Variants in ZNF461 observed in about 807,000 individuals in gnomAD.
ZNF461 encodes the protein gonadotropin-inducible ovarian transcription factor-1.
ZNF461 carries 16 observed loss-of-function variants against 18.3 expected under a neutral mutation model. The ratio of observed to expected loss-of-function variants is 0.88; its 90% CI spans 0.59 to 1.33. The LOEUF is 1.33. Ranked by LOEUF, ZNF461 falls within the 40% of genes most tolerant of loss-of-function variation. ZNF461 has a pLI of 0.00. For missense variants in ZNF461, 595 were observed against 669.9 expected, an observed-to-expected ratio of 0.89 and a Z score of 1.23; for synonymous variants, 179 against 216.9, an observed-to-expected ratio of 0.83 and a Z score of 1.54.
intron 2 of ZNF461, among the ~76,000 whole-genome samples, chr19:36,663,680 C>G (rs2037855806): frequency 6.6e-6 from 1 of 151,874 alleles, no homozygotes; most frequent in Non-Finnish European, 1.5e-5. Flanking sequence ...TGCACACAAC[C>G]ACAAGCAGCT....
intron 4 of ZNF461, among the ~76,000 whole-genome samples, chr19:36,654,947 A>T (rs1447250129): frequency 6.6e-6 from 1 of 152,158 alleles, no homozygotes. Flanking sequence ...ATAACACTTT[A>T]AAAATGTATT....
intron 5 of ZNF461, among the ~76,000 whole-genome samples, chr19:36,642,323 G>A (rs1034186758): frequency 2.6e-5 from 4 of 152,140 alleles, no homozygotes; most frequent in Non-Finnish European, 4.4e-5. Flanking sequence ...GTCACACACT[G>A]GTCAGGCTGG....
intron 4 of ZNF461, among the ~76,000 whole-genome samples, chr19:36,650,257 A>G: frequency 6.6e-6 from 1 of 152,158 alleles, no homozygotes. Context: ...AACAACTATA[A>G]GTACATATAT....
Position 36,638,670 on chromosome 19 carries a change from G to A in ZNF461, c.1675C>T (p.Pro559Ser), listed in dbSNP as rs775949278. ...PVRFPLLPPH[P>S]SLAS ...AACAAATTTCATGATGCTAGACTAG[G>A]ATGGGGAGGGAGGAGAGGAAACCTG... The change falls in exon 6 of 6, where the codon CCT becomes TCT. Residue 559 changes from proline (P) to serine (S), a missense_variant. Pro to Ser is a moderately conservative substitution (Grantham distance 74, BLOSUM62 -1). Transcript: ENST00000588268. 4.3e-6 allele frequency: 7 copies of A among 1,610,198 alleles called. No homozygotes were observed. The highest frequency in any genetic ancestry group is 5.9e-6 in the Non-Finnish European group (7 of 1,177,508).
chr19:36,645,862 G>A lies in ZNF461; in HGVS notation c.233-2000C>T, dbSNP rs189991352. On this transcript the variant is annotated intron_variant, in intron 4 of 5. Transcript: ENST00000588268. ...TGCAGTGGAGCGAACTCAGCTAACT[G>A]CAACCTCCACCACCCGGGTTCAAGC... is the stretch of plus-strand genomic sequence containing the variant. Among the ~76,000 whole-genome samples the A allele has an allele frequency of 2.6e-3, 398 of 152,252 alleles. 9 individuals are homozygous for A. Among genetic ancestry groups the A allele is most frequent in the Admixed American group, 0.023 (345 of 15,274 alleles).
chr19:36,646,120 ATTGTTGTTGTTGTTATTG>A (rs1330271154), intron 4 of ZNF461, among the ~76,000 whole-genome samples: 3 of 9,646 alleles, frequency 3.1e-4, no homozygotes, highest in African/African-American at 5.2e-4. Context: ...TGTTGTTGTT[ATTGTTGTTGTTGTTATTG>A]TTGTTGATTG....
intron 3 of ZNF461, 65 bp from the exon 4 acceptor site, chr19:36,656,608 A>G: frequency 1.6e-6 from 2 of 1,255,342 alleles, no homozygotes; most frequent in Admixed American, 4.1e-5. Context: ...GTGATTTAGA[A>G]CTGATTAAAA....
rs2037339595 is a variant in ZNF461, at chr19:36,638,488, A to T, written c.*165T>A. ...ATGGTTAATACAATAACTCAGAAAC[A>T]GCATTAAAATGAGACCAAAATTTAC... On this transcript the variant is annotated 3_prime_UTR_variant, in exon 6 of 6. Coordinates refer to ENST00000588268, the MANE Select transcript of ZNF461 (RefSeq NM_153257.5). 2 of 532,560 alleles carry T rather than the reference A, an allele frequency of 3.8e-6. No homozygotes were observed. Among genetic ancestry groups the T allele is most frequent in the South Asian group, 7.8e-5 (2 of 25,672 alleles). 33.0% of individuals were successfully genotyped at this position (532,560 alleles called of 1,614,324 possible). A position where few individuals can be genotyped will look rare whatever the true frequency, so the allele number is the denominator to read the frequency against.
At chr19:36,646,096 TTTGTTGTTGTTGTTGTTG>T (rs765946582) in intron 4 of ZNF461, among the ~76,000 whole-genome samples, 3 of 121,318 alleles carry the variant, frequency 2.5e-5, no homozygotes, top group African/African-American at 9.8e-5. Flanking sequence ...TTTTGACTAT[TTTGTTGTTGTTGTTGTTG>T]TTGTTATTGT....
chr19:36,654,796 C>T (rs1178443021), intron 4 of ZNF461, among the ~76,000 whole-genome samples: 1 of 152,138 alleles, frequency 6.6e-6, no homozygotes, highest in East Asian at 1.9e-4. Flanking sequence ...ATCCCTCTGC[C>T]ATCTCTACCT....
chr19:36,647,264 G>T (rs10413697), intron 4 of ZNF461, among the ~76,000 whole-genome samples: 6,172 of 152,264 alleles, frequency 0.041, 423 homozygotes, highest in African/African-American at 0.14. Flanking sequence ...TTTAGGCCAG[G>T]TGTGGTGGTT....
rs367936505 is a variant in ZNF461, at chr19:36,638,748, G to A, written c.1597C>T (p.His533Tyr). The A allele has an allele frequency of 1.2e-5, 19 of 1,613,912 alleles. No homozygotes were observed. Among genetic ancestry groups the A allele is most frequent in the Non-Finnish European group, 1.2e-5 (14 of 1,179,936 alleles). ...TGATGTAAGTTAAGTTGTAATCTAT[G>A]ATTAAACGCCTTCCCGCATTGATAA... is the stretch of plus-strand genomic sequence containing the variant. Reference protein sequence around the residue: ...KPYQCGKAFNHRLQLNLHQTL... With the variant: ...KPYQCGKAFNYRLQLNLHQTL... The change falls in exon 6 of 6, where the codon CAT (histidine) becomes TAT (tyrosine). Residue 533 changes from histidine (H) to tyrosine (Y), a missense_variant. Coordinates refer to ENST00000588268, the MANE Select transcript of ZNF461 (RefSeq NM_153257.5).
chr19:36,663,189 T>C (rs1200819818), intron 2 of ZNF461, among the ~76,000 whole-genome samples: 2 of 152,208 alleles, frequency 1.3e-5, no homozygotes, highest in Non-Finnish European at 2.9e-5. Context: ...CTTTATTCTG[T>C]CTTTTTTTGT....
At chr19:36,648,258 C>T (rs545447151) in intron 4 of ZNF461, among the ~76,000 whole-genome samples, 10 of 152,198 alleles carry the variant, frequency 6.6e-5, no homozygotes, top group Non-Finnish European at 1.5e-5. Flanking sequence ...ATGTAAAGTG[C>T]CTGCTCCTGC....
chr19:36,666,341 G>A (rs1194455589), intron 1 of ZNF461, among the ~76,000 whole-genome samples: 1 of 151,982 alleles, frequency 6.6e-6, no homozygotes, highest in Admixed American at 6.6e-5. Flanking sequence ...GCATCCACCC[G>A]CTTCGGGCTC....
At chr19:36,652,466 A>ACTCCAGCCT (rs1404636088) in intron 4 of ZNF461, among the ~76,000 whole-genome samples, 2 of 148,252 alleles carry the variant, frequency 1.3e-5, no homozygotes, top group East Asian at 4.0e-4. Flanking sequence ...GCCCCATTGC[A>ACTCCAGCCT]CTCCAGCCTG....
intron 4 of ZNF461, among the ~76,000 whole-genome samples, chr19:36,650,557 G>A (rs2037608622): frequency 6.6e-6 from 1 of 152,046 alleles, no homozygotes; most frequent in Non-Finnish European, 1.5e-5. Context: ...CAGAAGAAAA[G>A]ACAACACTTC....
rs1414300157 is a variant in ZNF461, at chr19:36,666,725, C to G, written c.-116G>C. On this transcript the variant is annotated 5_prime_UTR_variant, in exon 1 of 6. Transcript: ENST00000588268. ...CTCAGGGAAGGCTCTGGTCCAAGCTCTGATTCGGATTCCAAGCGAAGCCAC... is the reference window on the plus strand; with the variant it reads ...CTCAGGGAAGGCTCTGGTCCAAGCTGTGATTCGGATTCCAAGCGAAGCCAC... The G allele has an allele frequency of 1.3e-5, 2 of 152,604 alleles. No homozygotes were observed. The highest frequency in any genetic ancestry group is 1.3e-4 in the Admixed American group (2 of 15,290). 9.5% of individuals were successfully genotyped at this position (152,604 alleles called of 1,614,324 possible). A position where few individuals can be genotyped will look rare whatever the true frequency, so the allele number is the denominator to read the frequency against.
chr19:36,640,002 T>A lies in ZNF461; in HGVS notation c.343A>T (p.Arg115Trp). 1 of 1,612,782 alleles carries A rather than the reference T, an allele frequency of 6.2e-7. No individual in the cohort carries two copies. The highest frequency in any genetic ancestry group is 8.5e-7 in the Non-Finnish European group (1 of 1,179,278). Reference protein sequence around the residue: ...RDEPQKLSPKRDIYETELSQW... With the variant: ...RDEPQKLSPKWDIYETELSQW... ...GATAATTCTGTTTCATAAATATCCC[T>A]TTTTGGAGATAACTTCTGGGGCTCA... The change falls in exon 6 of 6, where the codon AGG becomes TGG. Residue 115 changes from arginine to tryptophan, a missense_variant. Coordinates refer to ENST00000588268, the MANE Select transcript of ZNF461 (RefSeq NM_153257.5).
Sources: allele counts gnomAD v4.1 joint callset (sites outside exome capture counted in the v4.1 genomes callset), GRCh38; gene constraint gnomAD v4.1.1; transcripts MANE v1.5; gene names NCBI Gene and HGNC (gene_info 2026-07-23, HGNC 2026-07-21).